The following ASPM variants were observed in gnomAD, a reference collection of about 807,000 sequenced individuals.
The protein encoded by ASPM is abnormal spindle-like microcephaly-associated protein.
ASPM carries 256 observed loss-of-function variants against 366.4 expected under a neutral mutation model. The ratio of observed to expected loss-of-function variants is 0.70; its 90% CI spans 0.63 to 0.77. ASPM has a LOEUF of 0.77. Among genes scored for constraint, ASPM ranks in the 30% least tolerant of loss-of-function variants. The pLI is 0.00. For missense variants in ASPM, 4,146 were observed against 4,090.4 expected (o/e 1.01, Z -0.37); for synonymous variants, 1,414 against 1,342.9 (o/e 1.05, Z -1.16).
Position 197,088,464 on chromosome 1 carries a change from T to C in ASPM, c.9985-32A>G, listed in dbSNP as rs1656669708. 1.9e-6 allele frequency: 3 copies of C among 1,554,574 alleles called. No homozygotes were observed. In the South Asian group the frequency reaches 3.4e-5, roughly 18 times the overall value. ...GAGAACAGAATGAAATTAAAAGTTG[T>C]AATAAACACATACATTTACAAACAA... On this transcript the variant is annotated intron_variant, in intron 25 of 27. Coordinates refer to ENST00000367409, the MANE Select transcript of ASPM (RefSeq NM_018136.5).
At chr1:197,139,170 T>C in intron 4 of ASPM, 1 of 954,032 alleles carries the variant, frequency 1.0e-6, no homozygotes. Context: ...AAGAAGCATA[T>C]CTTGGAGCTT....
chr1:197,100,934 A>G lies in ASPM; in HGVS notation c.8317T>C (p.Ser2773Pro). 1 of 1,612,754 alleles carries G rather than the reference A, an allele frequency of 6.2e-7. No homozygotes were observed. The highest frequency in any genetic ancestry group is 8.5e-7 in the Non-Finnish European group (1 of 1,179,184). The change falls in exon 18 of 28, where the codon TCT becomes CCT. Residue 2773 changes from serine (S) to proline (P), a missense_variant. Physicochemically the swap from Ser to Pro is moderately conservative, Grantham distance 74. This residue lies in a region of ASPM where 3,624 missense variants were observed against 3,591.7 expected (regional missense o/e 1.01). Transcript: ENST00000367409. The part of the protein sequence containing the change: ...EEKMAAIVNQ[S>P]ALCCYRSKTQ... Reference sequence around the variant, plus strand: ...TTACTTCTGTAACAGCAGAGTGCAGATTGGTTAACAATGGCTGCCATCTTT... The same window carrying G: ...TTACTTCTGTAACAGCAGAGTGCAGGTTGGTTAACAATGGCTGCCATCTTT...
At chr1:197,107,876 T>C (rs778793961) in intron 17 of ASPM, among the ~76,000 whole-genome samples, 1 of 152,148 alleles carries the variant, frequency 6.6e-6, no homozygotes, top group Non-Finnish European at 1.5e-5. Flanking sequence ...AATTATGCTA[T>C]TGTAGTACAA....
rs3762271 is a variant in ASPM, at chr1:197,101,312, G to A, written c.7939C>T (p.Leu2647Phe). 1 of 1,611,150 alleles carries A rather than the reference G, an allele frequency of 6.2e-7. No homozygotes were observed. Among genetic ancestry groups the A allele is most frequent in the South Asian group, 1.1e-5 (1 of 91,030 alleles). Residue 2647 changes from leucine (L) to phenylalanine (F), a missense_variant, in exon 18 of 28, where the codon CTT becomes TTT. Leu to Phe is a conservative substitution (Grantham distance 22). Transcript: ENST00000367409. ...TGAATAGAAACTACTGTTGCTCTAAGGTGGAGATAATGCTTCCTTATTTTA... is the reference window on the plus strand; with the variant it reads ...TGAATAGAAACTACTGTTGCTCTAAAGTGGAGATAATGCTTCCTTATTTTA... Reference protein sequence around the residue: ...AFKIRKHYLHLRATVVSIQRR... With the variant: ...AFKIRKHYLHFRATVVSIQRR...
At chr1:197,127,732 T>C (rs1056241840) in intron 10 of ASPM, among the ~76,000 whole-genome samples, 23 of 152,156 alleles carry the variant, frequency 1.5e-4, no homozygotes, top group African/African-American at 5.1e-4. Context: ...ATTTCATGAG[T>C]TTATGTCTCA....
At chr1:197,119,918 T>C (rs1489380258) in intron 16 of ASPM, among the ~76,000 whole-genome samples, 1 of 152,052 alleles carries the variant, frequency 6.6e-6, no homozygotes, top group African/African-American at 2.4e-5. Flanking sequence ...ACCTGAAAAA[T>C]AGCTATCTCA....
In ASPM at chr1:197,096,014, T is replaced by G. The variant is rs771267168; in HGVS notation, c.8971A>C (p.Lys2991Gln). The G allele has an allele frequency of 2.5e-6, 4 of 1,608,632 alleles. No homozygotes were observed. The African/African-American group carries it at 4.0e-5, about 16-fold the overall frequency. Reference protein sequence around the residue: ...VKIIQGCFYTKLERTRFLNVR... With the variant: ...VKIIQGCFYTQLERTRFLNVR... Reference sequence around the variant, plus strand: ...ATACATTACCGTGTTCTCTCTAGTTTGGTATAGAAGCAACCTTGAATAATT... The same window carrying G: ...ATACATTACCGTGTTCTCTCTAGTTGGGTATAGAAGCAACCTTGAATAATT... Residue 2991 changes from lysine to glutamine, a missense_variant, in exon 19 of 28, where the codon AAA (lysine) becomes CAA (glutamine). Transcript: ENST00000367409.
At position 197,129,206 on chromosome 1, in the gene ASPM, C is replaced by T. The variant is rs762635614; in HGVS notation, c.2741G>A (p.Cys914Tyr). 4 of 1,612,294 alleles carry T rather than the reference C, an allele frequency of 2.5e-6. No homozygotes were observed. The highest frequency in any genetic ancestry group is 2.2e-5 in the East Asian group (1 of 44,732). The change falls in exon 9 of 28, where the codon TGT (cysteine) becomes TAT (tyrosine). Residue 914 changes from cysteine (C) to tyrosine (Y), a missense_variant. Physicochemically the swap from Cys to Tyr is radical, Grantham distance 194. This residue lies in a region of ASPM where 3,624 missense variants were observed against 3,591.7 expected (regional missense o/e 1.01). Coordinates refer to ENST00000367409, the MANE Select transcript of ASPM (RefSeq NM_018136.5). Reference sequence around the variant, plus strand: ...GCATACCTTGAATTCGGCATCTTTACAGAAGAGACAAGGATCATGATCAAT... The same window carrying T: ...GCATACCTTGAATTCGGCATCTTTATAGAAGAGACAAGGATCATGATCAAT... Reference protein sequence around the residue: ...RLIDHDPCLFCKDAEFKASKE... With the variant: ...RLIDHDPCLFYKDAEFKASKE...
intron 21 of ASPM, among the ~76,000 whole-genome samples, chr1:197,092,325 A>G (rs895029118): frequency 1.3e-5 from 2 of 151,904 alleles, no homozygotes; most frequent in African/African-American, 4.8e-5. Flanking sequence ...TAATTCAACT[A>G]GACTGCCCTA....
At position 197,146,657 on chromosome 1, in the gene ASPM, G is replaced by A. The variant is rs1318628645; in HGVS notation, c.-220C>T. The stretch of plus-strand genomic sequence containing the variant: ...TAAAAAGAGGAGCCAAACAAGTATG[G>A]CGTTTTGACTCTGTTTAAACTTGCC... On this transcript the variant is annotated 5_prime_UTR_variant, in exon 1 of 28. Transcript: ENST00000367409. 1 of 604,338 alleles carries A rather than the reference G, an allele frequency of 1.7e-6. No individual in the cohort carries two copies. Among genetic ancestry groups the A allele is most frequent in the Non-Finnish European group, 2.9e-6 (1 of 344,652 alleles). The allele number at this position is 604,338 out of a possible 1,614,324, so 37.4% of individuals were successfully genotyped here. A position where few individuals can be genotyped will look rare whatever the true frequency, so the allele number is the denominator to read the frequency against.
chr1:197,136,346 C>T (rs1196034684), intron 4 of ASPM, among the ~76,000 whole-genome samples: 1 of 152,048 alleles, frequency 6.6e-6, no homozygotes, highest in Non-Finnish European at 1.5e-5. Context: ...AATATATAAA[C>T]AAGCATAAAA....
rs1483417833 is a variant in ASPM, at chr1:197,104,394, A to G, written c.4857T>C (p.Tyr1619=). The change falls in exon 18 of 28, where the codon TAT becomes TAC. Residue 1619 remains tyrosine, a synonymous_variant. Coordinates refer to ENST00000367409, the MANE Select transcript of ASPM (RefSeq NM_018136.5). ...ATGCTAGAACTTTCATGGCAAAAATATAAGCTCGGAAATGAGTCTGAATTA... is the reference window on the plus strand; with the variant it reads ...ATGCTAGAACTTTCATGGCAAAAATGTAAGCTCGGAAATGAGTCTGAATTA... ...AVIIQTHFRA[Y]IFAMKVLASY... The G allele has an allele frequency of 2.5e-6, 4 of 1,613,126 alleles. No individual in the cohort carries two copies. The highest frequency in any genetic ancestry group is 1.1e-5 in the South Asian group (1 of 91,066).
chr1:197,129,411 A>T, intron 8 of ASPM, 94 bp from the exon 9 acceptor site: 1 of 1,390,120 alleles, frequency 7.2e-7, no homozygotes, highest in Non-Finnish European at 1.0e-6. Context: ...GTGTTAGTAA[A>T]ACAAAAAGTG....
chr1:197,129,184 T>C lies in ASPM; in HGVS notation c.2760+3A>G, dbSNP rs1197655292. ...AATATAAAGCATACAATGAAAAGCA[T>C]ACCTTGAATTCGGCATCTTTACAGA... On this transcript the variant is annotated splice_donor_region_variant and intron_variant, in intron 9 of 27. Coordinates refer to ENST00000367409, the MANE Select transcript of ASPM (RefSeq NM_018136.5). 1.9e-6 allele frequency: 3 copies of C among 1,611,450 alleles called. No homozygotes were observed. The highest frequency in any genetic ancestry group is 2.5e-6 in the Non-Finnish European group (3 of 1,178,064).
chr1:197,106,558 T>C (rs899022424), intron 17 of ASPM, among the ~76,000 whole-genome samples: 1 of 152,048 alleles, frequency 6.6e-6, no homozygotes, highest in Non-Finnish European at 1.5e-5. Context: ...TAATAATCAC[T>C]TTTTCTACAT....
chr1:197,094,216 C>T (rs886477948), intron 19 of ASPM, 36 bp from the exon 20 acceptor site: 6 of 1,317,836 alleles, frequency 4.6e-6, no homozygotes, highest in Non-Finnish European at 6.5e-6. Flanking sequence ...TGTCAAATTA[C>T]TTTAACTTAT....
At chr1:197,140,755 A>G (rs1658555434) in intron 3 of ASPM, among the ~76,000 whole-genome samples, 2 of 152,204 alleles carry the variant, frequency 1.3e-5, no homozygotes, top group Non-Finnish European at 2.9e-5. Flanking sequence ...GATTAGAAAC[A>G]GAAAATTACA....
intron 17 of ASPM, among the ~76,000 whole-genome samples, chr1:197,110,611 G>T (rs539342600): frequency 5.9e-5 from 9 of 152,080 alleles, no homozygotes; most frequent in Non-Finnish European, 1.3e-4. Context: ...GAAATTGTGT[G>T]AAATCACTAA....
rs1282322065 is a variant in ASPM, at chr1:197,139,866, A to G, written c.1927T>C (p.Ser643Pro). Residue 643 changes from serine (S) to proline (P), a missense_variant, in exon 4 of 28, where the codon TCA (serine) becomes CCA (proline). By Grantham distance (74) the Ser-to-Pro change is moderately conservative. This residue lies in a region of ASPM where 3,624 missense variants were observed against 3,591.7 expected (regional missense o/e 1.01). Transcript: ENST00000367409. ...KLNLKKKTDL[S>P]IFRTPISKTN... ...TTAGAAATTGGAGTTCTGAATATTG[A>G]TAAATCTAAAATAAATTAGAAAACA... 6.3e-7 allele frequency: 1 copy of G among 1,578,744 alleles called. No homozygotes were observed. Among genetic ancestry groups the G allele is most frequent in the South Asian group, 1.1e-5 (1 of 90,316 alleles).
Sources: allele counts gnomAD v4.1 joint callset (sites outside exome capture counted in the v4.1 genomes callset), GRCh38; gene constraint gnomAD v4.1.1; regional missense constraint gnomAD v4.1.1; transcripts MANE v1.5; gene names NCBI Gene and HGNC (gene_info 2026-07-23, HGNC 2026-07-21).